The following TBX20 variants were observed in gnomAD, a reference collection of about 807,000 sequenced individuals.
TBX20 encodes T-box transcription factor TBX20.
Under a neutral mutation model 42.9 loss-of-function variants are expected in TBX20, and 8 were observed. The observed-to-expected ratio is 0.19, with a 90% CI of 0.11 to 0.34. TBX20 has a LOEUF of 0.34. Ranked by LOEUF, TBX20 falls within the 10% of genes least tolerant of loss-of-function variation. The pLI is 1.00. For synonymous variants in TBX20, 198 were observed against 222.8 expected (o/e 0.89, Z 0.99); for missense variants, 411 against 566.0 (o/e 0.73, Z 2.78).
At chr7:35,216,110 C>CTG (rs1331520150) in intron 6 of TBX20, among the ~76,000 whole-genome samples, 1 of 152,128 alleles carries the variant, frequency 6.6e-6, no homozygotes, top group African/African-American at 2.4e-5. Flanking sequence ...GCTGCTGGCC[C>CTG]TTGACTGAAA....
intron 6 of TBX20, among the ~76,000 whole-genome samples, chr7:35,205,731 G>T (rs1789389416): frequency 6.6e-6 from 1 of 152,076 alleles, no homozygotes; most frequent in Non-Finnish European, 1.5e-5. Flanking sequence ...ATAATATATA[G>T]TATGACTATG....
At chr7:35,216,376 C>T (rs1789590440) in intron 6 of TBX20, among the ~76,000 whole-genome samples, 1 of 152,178 alleles carries the variant, frequency 6.6e-6, no homozygotes, top group Admixed American at 6.5e-5. Context: ...GAACCCTGCC[C>T]AGCTACTTGC....
intron 4 of TBX20, among the ~76,000 whole-genome samples, chr7:35,241,243 T>G (rs563909345): frequency 1.3e-5 from 2 of 152,226 alleles, no homozygotes; most frequent in Non-Finnish European, 2.9e-5. Context: ...CCAAAACAAC[T>G]GCAAACCACA....
At position 35,250,103 on chromosome 7, in the gene TBX20, G is replaced by A. The variant is rs1414063478; in HGVS notation, c.228C>T (p.Ser76=). 6.2e-7 allele frequency: 1 copy of A among 1,613,694 alleles called. No homozygotes were observed. Among genetic ancestry groups the A allele is most frequent in the East Asian group, 2.2e-5 (1 of 44,862 alleles). Reference sequence around the variant, plus strand: ...GTGGCTCAGTGCACAGAGAGGAGGAGGACGGGCTGCTGCCACTGCCTCCAC... The same window carrying A: ...GTGGCTCAGTGCACAGAGAGGAGGAAGACGGGCTGCTGCCACTGCCTCCAC... The part of the protein sequence containing the change: ...EFGGGSGSSP[S]SSSLCTEPLI... Residue 76 remains serine, a synonymous_variant, in exon 2 of 8, where the codon TCC becomes TCT. Transcript: ENST00000408931.
chr7:35,246,013 T>C (rs1466927324), intron 3 of TBX20, among the ~76,000 whole-genome samples: 1 of 152,202 alleles, frequency 6.6e-6, no homozygotes, highest in African/African-American at 2.4e-5. Flanking sequence ...ATAGGATCCT[T>C]ATAACTACAA....
intron 6 of TBX20, among the ~76,000 whole-genome samples, chr7:35,225,435 G>A (rs1562561353): frequency 6.6e-6 from 1 of 151,776 alleles, no homozygotes; most frequent in Non-Finnish European, 1.5e-5. Context: ...GTGGTTTTTG[G>A]TAGTTAGTTA....
At position 35,249,922 on chromosome 7, in the gene TBX20, C is replaced by T; in HGVS notation, c.380+29G>A. On this transcript the variant is annotated intron_variant, in intron 2 of 7. Transcript: ENST00000408931. The surrounding 1 kb of genome is among the most constrained non-coding windows in gnomAD (Gnocchi z 4.3). ...CAGGGAGTGTCCTGACTCTCCACCCCCAACCCCCAACCCCCAAGTCCCAAC... is the reference window on the plus strand; with the variant it reads ...CAGGGAGTGTCCTGACTCTCCACCCTCAACCCCCAACCCCCAAGTCCCAAC... 6.3e-7 allele frequency: 1 copy of T among 1,584,134 alleles called. No homozygotes were observed. The highest frequency in any genetic ancestry group is 8.6e-7 in the Non-Finnish European group (1 of 1,163,490).
intron 3 of TBX20, among the ~76,000 whole-genome samples, chr7:35,247,165 CAAAAAAAAA>C (rs757916672): frequency 3.8e-5 from 3 of 79,636 alleles, no homozygotes; most frequent in African/African-American, 4.9e-5. Flanking sequence ...GACTGGAGGG[CAAAAAAAAA>C]AAAAAAAAAA....
chr7:35,218,857 T>C (rs1186618824), intron 6 of TBX20, among the ~76,000 whole-genome samples: 1 of 152,162 alleles, frequency 6.6e-6, no homozygotes, highest in Non-Finnish European at 1.5e-5. Context: ...GGAGCCCTCA[T>C]GAATGAGACT....
At chr7:35,236,095 A>G (rs17674869) in intron 5 of TBX20, among the ~76,000 whole-genome samples, 55,435 of 151,778 alleles carry the variant, frequency 0.37, 10,403 homozygotes, top group Admixed American at 0.46. Context: ...TCATTCCCTC[A>G]CAAAAACCAG....
chr7:35,202,578 G>A lies in TBX20; in HGVS notation c.1196C>T (p.Pro399Leu). 6.2e-7 allele frequency: 1 copy of A among 1,614,072 alleles called. No individual in the cohort carries two copies. The highest frequency in any genetic ancestry group is 8.5e-7 in the Non-Finnish European group (1 of 1,179,968). The change falls in exon 8 of 8, where the codon CCA becomes CTA. Residue 399 changes from proline (P) to leucine (L), a missense_variant. Physicochemically the swap from Pro to Leu is moderately conservative, Grantham distance 98 (BLOSUM62 -3). Around this residue, in one of 5 missense-constraint regions of TBX20, gnomAD observed 162 missense variants for 205.4 expected, o/e 0.79. Coordinates refer to ENST00000408931, the MANE Select transcript of TBX20 (RefSeq NM_001077653.2). ...PYSRLGMPLT[P>L]SAIASSMQGS... ...TTGCATGGAGCTGGCAATGGCCGAT[G>A]GTGTCAGAGGCATTCCCAGTCGGCT...
chr7:35,226,636 C>T (rs1201890593), intron 6 of TBX20, among the ~76,000 whole-genome samples: 2 of 152,052 alleles, frequency 1.3e-5, no homozygotes, highest in Admixed American at 1.3e-4. Flanking sequence ...CAGCCCACAA[C>T]GTTTCACATA....
At chr7:35,213,860 A>T (rs1431992482) in intron 6 of TBX20, among the ~76,000 whole-genome samples, 1 of 142,906 alleles carries the variant, frequency 7.0e-6, no homozygotes, top group Non-Finnish European at 1.5e-5. Flanking sequence ...ACTATGAACA[A>T]GGAATTGCAG....
Position 35,203,091 on chromosome 7 carries a change from T to C in TBX20, c.1004-321A>G, listed in dbSNP as rs1202718642. On this transcript the variant is annotated intron_variant, in intron 7 of 7. Transcript: ENST00000408931. ...TGATTCTCTTAAAAAAAGCTGCAAATACCTGATATCTGTTCTGACCTCTGT... is the reference window on the plus strand; with the variant it reads ...TGATTCTCTTAAAAAAAGCTGCAAACACCTGATATCTGTTCTGACCTCTGT... Among the ~76,000 whole-genome samples the C allele has an allele frequency of 2.6e-5, 4 of 152,188 alleles. No individual in the cohort carries two copies. In the East Asian group the frequency reaches 7.7e-4, roughly 29 times the overall value.
At chr7:35,222,025 A>T (rs1164272777) in intron 6 of TBX20, among the ~76,000 whole-genome samples, 4 of 152,188 alleles carry the variant, frequency 2.6e-5, no homozygotes, top group African/African-American at 9.6e-5. Flanking sequence ...AAAAATTGAG[A>T]AATATCAATG....
At chr7:35,218,252 T>C (rs985440398) in intron 6 of TBX20, among the ~76,000 whole-genome samples, 2 of 152,206 alleles carry the variant, frequency 1.3e-5, no homozygotes, top group Non-Finnish European at 2.9e-5. Flanking sequence ...AGATTTACTA[T>C]GGTTTTAATG....
intron 6 of TBX20, among the ~76,000 whole-genome samples, chr7:35,213,877 C>CAAAAAAAAAAAAAAAAAAAAAAAAAAA (rs59548164): frequency 3.3e-5 from 2 of 59,772 alleles, no homozygotes; most frequent in African/African-American, 1.4e-4. Context: ...GCAGAGATAG[C>CAAAAAAAAAAAAAAAAAAAAAAAAAAA]AAAAAAAAAA....
chr7:35,229,560 A>G (rs1019152854), intron 6 of TBX20, among the ~76,000 whole-genome samples: 1 of 152,210 alleles, frequency 6.6e-6, no homozygotes, highest in Non-Finnish European at 1.5e-5. Context: ...CTTCATGTAC[A>G]TGTGAGTGCT....
At chr7:35,213,464 T>G (rs1789531111) in intron 6 of TBX20, among the ~76,000 whole-genome samples, 1 of 152,332 alleles carries the variant, frequency 6.6e-6, no homozygotes, top group Middle Eastern at 3.4e-3. Flanking sequence ...AACTTTTGAA[T>G]TTTGGATGTA....
Sources: allele counts gnomAD v4.1 joint callset (sites outside exome capture counted in the v4.1 genomes callset), GRCh38; gene constraint gnomAD v4.1.1; regional missense constraint gnomAD v4.1.1; non-coding constraint Gnocchi (gnomAD v3.1); transcripts MANE v1.5; gene names NCBI Gene and HGNC (gene_info 2026-07-23, HGNC 2026-07-21).